The following CIB1 variants were observed in gnomAD, a reference collection of about 807,000 sequenced individuals.
CIB1 encodes the protein calcium and integrin binding 1.
A neutral mutation model predicts 25.0 loss-of-function variants in CIB1; 19 were observed. That is an observed-to-expected ratio of 0.76 (90% CI 0.53 to 1.12). The LOEUF is 1.12. Ranked by LOEUF, CIB1 falls within the 50% of genes most tolerant of loss-of-function variation. The pLI is 0.00. For missense variants in CIB1, 236 were observed against 242.6 expected (o/e 0.97, Z 0.18); for synonymous variants, 104 against 98.5 (o/e 1.06, Z -0.33).
chr15:90,242,130 C>T, the CIB1 span: 1 of 1,336,700 alleles, frequency 7.5e-7, no homozygotes, highest in African/African-American at 1.5e-5. Flanking sequence ...ACTCTGTCCC[C>T]AGGCTAGAGT....
At chr15:90,250,546 C>T in the CIB1 span, 1 of 1,500,674 alleles carries the variant, frequency 6.7e-7, no homozygotes. Context: ...CTGGTGGATT[C>T]CTTCAGGCCT....
chr15:90,253,292 G>A, the CIB1 span: 17 of 1,613,762 alleles, frequency 1.1e-5, no homozygotes, highest in Admixed American at 1.7e-5. Context: ...AGGTGGGGGA[G>A]GATGAAGAGT....
upstream of CIB1, among the ~76,000 whole-genome samples, chr15:90,237,949 T>C (rs1333547547): frequency 1.3e-5 from 2 of 152,132 alleles, no homozygotes. Flanking sequence ...TAGCTTCACT[T>C]TTTTGTTGTT....
At chr15:90,234,044 A>G (rs1765457347), upstream of CIB1, 9 of 851,136 alleles carry the variant, frequency 1.1e-5, no homozygotes, top group Non-Finnish European at 1.5e-5. Flanking sequence ...AGGCGTTCCC[A>G]GCCGGGTTTG....
chr15:90,255,770 C>T, the CIB1 span: 1 of 1,614,126 alleles, frequency 6.2e-7, no homozygotes. Context: ...CAACCACTTC[C>T]CTGGCATGAC....
At chr15:90,265,713 A>T in the CIB1 span, 2 of 1,613,238 alleles carry the variant, frequency 1.2e-6, no homozygotes, top group South Asian at 1.1e-5. Context: ...TTGCGTCGAC[A>T]TGGCGGTTAC....
At chr15:90,238,231 T>C (rs186487024), upstream of CIB1, among the ~76,000 whole-genome samples, 2 of 152,224 alleles carry the variant, frequency 1.3e-5, no homozygotes, top group East Asian at 3.9e-4. Context: ...ACCTGGGTGG[T>C]GGAGGTTGCA....
the CIB1 span, chr15:90,265,542 C>A: frequency 2.2e-5 from 30 of 1,394,390 alleles, no homozygotes; most frequent in African/African-American, 2.5e-4. Flanking sequence ...CAGTTACAGG[C>A]AGAAAGGGTG....
the CIB1 span, among the ~76,000 whole-genome samples, chr15:90,260,878 A>G: frequency 6.6e-6 from 1 of 151,130 alleles, no homozygotes; most frequent in African/African-American, 2.4e-5. Flanking sequence ...AGAGAGAAAG[A>G]AAGGAAGGAA....
chr15:90,244,766 C>G, the CIB1 span: 6 of 152,262 alleles, frequency 3.9e-5, no homozygotes, highest in African/African-American at 1.4e-4. Flanking sequence ...TTGCAGTGAG[C>G]TGAGATTGCA....
chr15:90,265,075 C>A, the CIB1 span: 2 of 1,378,432 alleles, frequency 1.5e-6, no homozygotes, highest in Non-Finnish European at 1.9e-6. Flanking sequence ...CTTTGAAAAG[C>A]CCTGCCCAGG....
the CIB1 span, among the ~76,000 whole-genome samples, chr15:90,251,114 C>CTTTTTTTTTTTTTTTTTT: frequency 9.6e-6 from 1 of 104,672 alleles, no homozygotes; most frequent in Non-Finnish European, 1.8e-5. Flanking sequence ...CCTGGTCTGT[C>CTTTTTTTTTTTTTTTTTT]TTTTTTTTTT....
At chr15:90,246,146 G>A in the CIB1 span, among the ~76,000 whole-genome samples, 5 of 151,990 alleles carry the variant, frequency 3.3e-5, no homozygotes, top group Admixed American at 1.3e-4. Flanking sequence ...GGTGGCATGC[G>A]CCTGTAATCC....
chr15:90,249,214 C>CAAAA, the CIB1 span, among the ~76,000 whole-genome samples: 69 of 88,206 alleles, frequency 7.8e-4, 1 homozygote, highest in African/African-American at 3.2e-3. Context: ...GACCCCGTCT[C>CAAAA]AAAAAAAAAA....
the CIB1 span, among the ~76,000 whole-genome samples, chr15:90,248,340 A>G: frequency 1.3e-5 from 2 of 152,230 alleles, no homozygotes; most frequent in East Asian, 3.8e-4. Flanking sequence ...ACTATGAAAC[A>G]TGAATATGTG....
chr15:90,248,718 C>CAAAAAAAAAAAAAAAAAAAAAA, the CIB1 span, among the ~76,000 whole-genome samples: 1 of 27,766 alleles, frequency 3.6e-5, no homozygotes, highest in Non-Finnish European at 6.7e-5. Flanking sequence ...GACCCTGTCT[C>CAAAAAAAAAAAAAAAAAAAAAA]AAAAAAAAAA....
In CIB1 at chr15:90,231,029, A is replaced by T; in HGVS notation, c.466-7T>A. On this transcript the variant is annotated splice_region_variant and splice_polypyrimidine_tract_variant and intron_variant, in intron 5 of 6. Coordinates refer to ENST00000328649, the MANE Select transcript of CIB1 (RefSeq NM_006384.4). ...TGTCAGACTCCTCCAGGATCTGGGAAAGGGAGAGTTTCAGGCCAGAGCCCC... is the reference window on the plus strand; with the variant it reads ...TGTCAGACTCCTCCAGGATCTGGGATAGGGAGAGTTTCAGGCCAGAGCCCC... 1 of 1,613,796 alleles carries T rather than the reference A, an allele frequency of 6.2e-7. No individual in the cohort carries two copies. The highest frequency in any genetic ancestry group is 8.5e-7 in the Non-Finnish European group (1 of 1,179,694).
chr15:90,250,296 G>A, the CIB1 span, among the ~76,000 whole-genome samples: 45 of 152,222 alleles, frequency 3.0e-4, no homozygotes, highest in South Asian at 1.0e-3. Context: ...TCCCAATTAG[G>A]AACAAAAGAG....
At chr15:90,258,528 T>G in the CIB1 span, 1 of 613,616 alleles carries the variant, frequency 1.6e-6, no homozygotes, top group South Asian at 2.0e-5. Flanking sequence ...AGGGACACAC[T>G]ATCTAGAGAG....
Sources: gnomAD v4.1 joint callset for allele counts (sites outside exome capture counted in the v4.1 genomes callset) on GRCh38, gnomAD v4.1.1 for gene constraint, MANE v1.5 for transcripts, NCBI Gene and HGNC (gene_info 2026-07-23, HGNC 2026-07-21) for gene names.